Variants in MAP3K15 observed in about 807,000 individuals in gnomAD.
The protein encoded by MAP3K15 is mitogen-activated protein kinase kinase kinase 15.
In MAP3K15, 124 loss-of-function variants were observed where a neutral mutation model predicts 99.5. The observed-to-expected ratio is 1.25, with a 90% CI of 1.08 to 1.45. The LOEUF is 1.45. MAP3K15 is among the 40% of genes most tolerant of loss of function. The pLI, the probability that MAP3K15 is intolerant of heterozygous loss-of-function variation, is 0.00. For synonymous variants in MAP3K15, 494 were observed against 439.6 expected (o/e 1.12, Z -1.55); for missense variants, 1,242 against 1,079.7 (o/e 1.15, Z -2.11).
intron 9 of MAP3K15, among the ~76,000 whole-genome samples, chrX:19,424,587 A>C (rs1478117754): frequency 9.0e-6 from 1 of 111,161 alleles, no homozygotes; most frequent in Non-Finnish European, 1.9e-5. Flanking sequence ...CGTCCACCCC[A>C]GACCTACTGG....
chrX:19,502,628 G>A (rs770043301), intron 1 of MAP3K15, among the ~76,000 whole-genome samples: 34 of 111,519 alleles, frequency 3.0e-4, no homozygotes, highest in Non-Finnish European at 5.8e-4. Context: ...AGACCAACCT[G>A]GCCAACATGG....
intron 3 of MAP3K15, among the ~76,000 whole-genome samples, chrX:19,485,476 G>A (rs1469178838): frequency 9.1e-6 from 1 of 109,816 alleles, no homozygotes; most frequent in Non-Finnish European, 1.9e-5. Flanking sequence ...TATCTTACAG[G>A]CCTGCTTGTA....
At chrX:19,386,579 G>A (rs2063495056) in intron 18 of MAP3K15, among the ~76,000 whole-genome samples, 1 of 111,247 alleles carries the variant, frequency 9.0e-6, no homozygotes, top group African/African-American at 3.3e-5. Flanking sequence ...ACGGCTCTTA[G>A]GTACCTACAC....
At position 19,464,341 on chromosome X, in the gene MAP3K15, G is replaced by A. The variant is rs774315963; in HGVS notation, c.591C>T (p.Cys197=). The change falls in exon 4 of 29, where the codon TGC becomes TGT. Residue 197 remains cysteine, a synonymous_variant. Coordinates refer to ENST00000338883, the MANE Select transcript of MAP3K15 (RefSeq NM_001001671.4). ...AGGCTCGTCTCTGGGCATCACTCTC[G>A]CAGCAAAAATAATCAGCGCACGGTG... ...IVTPCADYFC[C]ESDAQRRASE... is the part of the protein sequence containing the mutation. The A allele has an allele frequency of 8.4e-6, 10 of 1,196,222 alleles. No homozygotes were observed. Among genetic ancestry groups the A allele is most frequent in the East Asian group, 5.9e-5 (2 of 33,747 alleles).
intron 3 of MAP3K15, among the ~76,000 whole-genome samples, chrX:19,472,222 T>G (rs1288648905): frequency 2.7e-5 from 2 of 73,102 alleles, no homozygotes; most frequent in Non-Finnish European, 5.0e-5. Context: ...AGACTCTGTC[T>G]CAAAAATAAT....
At chrX:19,465,889 T>A (rs1484140019) in intron 3 of MAP3K15, among the ~76,000 whole-genome samples, 1 of 108,136 alleles carries the variant, frequency 9.2e-6, no homozygotes, top group East Asian at 2.9e-4. Flanking sequence ...CAGGCTCCTA[T>A]CTACTTCTTC....
intron 3 of MAP3K15, among the ~76,000 whole-genome samples, chrX:19,476,094 G>A (rs965784490): frequency 5.4e-5 from 6 of 112,140 alleles, no homozygotes; most frequent in African/African-American, 1.9e-4. Flanking sequence ...TTGTACCAGC[G>A]AACTTCATAA....
At chrX:19,414,943 G>A (rs926789618) in intron 10 of MAP3K15, among the ~76,000 whole-genome samples, 164 bp downstream of exon 10, 1 of 112,162 alleles carries the variant, frequency 8.9e-6, no homozygotes, top group Admixed American at 9.5e-5. Context: ...TGATCTATGA[G>A]TGAGCTGATC....
At chrX:19,509,536 T>C (rs893474457) in intron 1 of MAP3K15, among the ~76,000 whole-genome samples, 2 of 111,959 alleles carry the variant, frequency 1.8e-5, no homozygotes, top group Non-Finnish European at 3.8e-5. Context: ...TGATGTTCTT[T>C]GAAATCAATG....
intron 7 of MAP3K15, 104 bp from the exon 8 acceptor site, chrX:19,426,447 G>T: frequency 2.2e-6 from 1 of 451,051 alleles, no homozygotes; most frequent in East Asian, 4.7e-5. Context: ...CTCTAAATTT[G>T]TTGTTGCCCA....
intron 9 of MAP3K15, among the ~76,000 whole-genome samples, chrX:19,422,241 G>A (rs2063793530): frequency 1.8e-5 from 2 of 111,024 alleles, no homozygotes; most frequent in Non-Finnish European, 3.8e-5. Context: ...GAGTGAACAT[G>A]CAACCTACAG....
chrX:19,463,786 G>C (rs1005169293), intron 4 of MAP3K15, among the ~76,000 whole-genome samples: 1 of 111,265 alleles, frequency 9.0e-6, no homozygotes, highest in African/African-American at 3.3e-5. Flanking sequence ...GCACGAGAGC[G>C]TAAGGTCAGA....
chrX:19,460,654 T>C (rs2064125242), intron 4 of MAP3K15, among the ~76,000 whole-genome samples: 2 of 111,995 alleles, frequency 1.8e-5, no homozygotes, highest in African/African-American at 6.5e-5. Context: ...GTTGAGTCCC[T>C]GAGCAATACA....
chrX:19,444,557 A>G (rs2063981867), intron 6 of MAP3K15, among the ~76,000 whole-genome samples: 2 of 111,922 alleles, frequency 1.8e-5, no homozygotes, highest in African/African-American at 3.2e-5. Flanking sequence ...TCAAGGAAAA[A>G]TCTTCAATAC....
chrX:19,361,605 G>A lies in MAP3K15; in HGVS notation c.3680-12C>T. The A allele has an allele frequency of 1.8e-6, 2 of 1,133,774 alleles. No individual in the cohort carries two copies. Among genetic ancestry groups the A allele is most frequent in the Non-Finnish European group, 2.4e-6 (2 of 829,418 alleles). The allele number at this position is 1,133,774 out of a possible 1,213,427, so 93.4% of individuals were successfully genotyped here. A position where few individuals can be genotyped will look rare whatever the true frequency, so the allele number is the denominator to read the frequency against. ...GTTCTCTGTAATACCTGTAACGATT[G>A]GCAATTTGTTATATATTAGTCTAAC... On this transcript the variant is annotated splice_polypyrimidine_tract_variant and intron_variant, in intron 26 of 28. Transcript: ENST00000338883.
At chrX:19,514,823 C>T in intron 1 of MAP3K15, 78 bp downstream of exon 1, 2 of 261,890 alleles carry the variant, frequency 7.6e-6, no homozygotes, top group Non-Finnish European at 1.0e-5. Flanking sequence ...GGGAGAAGGG[C>T]GAGGGGGCGG....
chrX:19,446,813 C>T (rs976308920), intron 6 of MAP3K15, among the ~76,000 whole-genome samples: 7 of 111,573 alleles, frequency 6.3e-5, no homozygotes, highest in African/African-American at 2.3e-4. Context: ...AAGAGACAAC[C>T]TCAACTGGAA....
intron 6 of MAP3K15, among the ~76,000 whole-genome samples, chrX:19,449,144 G>A (rs1376938324): frequency 1.8e-5 from 2 of 109,791 alleles, no homozygotes; most frequent in African/African-American, 3.3e-5. Flanking sequence ...CTTGGCACTC[G>A]CCCTGTTGAC....
chrX:19,394,803 T>C (rs2063554690), intron 16 of MAP3K15, among the ~76,000 whole-genome samples: 1 of 54,875 alleles, frequency 1.8e-5, no homozygotes, highest in Non-Finnish European at 2.9e-5. Flanking sequence ...TTTTTTTTTT[T>C]TTTTTTTTTT....
Sources: gnomAD v4.1 joint callset for allele counts (sites outside exome capture counted in the v4.1 genomes callset) on GRCh38, gnomAD v4.1.1 for gene constraint, MANE v1.5 for transcripts, NCBI Gene and HGNC (gene_info 2026-07-23, HGNC 2026-07-21) for gene names.